Variants in FER1L6 observed in about 807,000 individuals in gnomAD.
The protein encoded by FER1L6 is fer-1 like family member 6, also known as fer-1-like protein 6.
Under a neutral mutation model 219.2 loss-of-function variants are expected in FER1L6, and 177 were observed. The observed-to-expected ratio is 0.81, with a 90% CI of 0.71 to 0.91. The LOEUF is 0.91. Ranked by LOEUF, FER1L6 falls within the 40% of genes least tolerant of loss-of-function variation. FER1L6 has a pLI of 0.00. For missense variants in FER1L6, 2,153 were observed against 2,259.9 expected, an observed-to-expected ratio of 0.95 and a Z score of 0.96; for synonymous variants, 768 against 824.3, an observed-to-expected ratio of 0.93 and a Z score of 1.17.
intron 33 of FER1L6, among the ~76,000 whole-genome samples, chr8:124,088,909 A>G (rs1050094303): frequency 2.0e-5 from 3 of 151,906 alleles, no homozygotes; most frequent in African/African-American, 7.3e-5. Flanking sequence ...CCTCTCCTCA[A>G]GCAGAAGGAA....
At chr8:123,874,063 C>A (rs1488771023) in intron 1 of FER1L6, among the ~76,000 whole-genome samples, 1 of 152,176 alleles carries the variant, frequency 6.6e-6, no homozygotes, top group Admixed American at 6.5e-5. Context: ...ATTCACCTGG[C>A]CAAATTCCAA....
At chr8:124,067,845 G>A (rs1201899898) in intron 28 of FER1L6, 39 bp downstream of exon 28, 1 of 1,557,572 alleles carries the variant, frequency 6.4e-7, no homozygotes, top group Admixed American at 1.7e-5. Context: ...CATAGAATAG[G>A]GCCATCGTTA....
chr8:123,886,231 C>T (rs1817199320), intron 1 of FER1L6, among the ~76,000 whole-genome samples: 1 of 152,152 alleles, frequency 6.6e-6, no homozygotes, highest in African/African-American at 2.4e-5. Context: ...TTTGTCCCCA[C>T]CTACACTCAA....
chr8:124,010,463 T>G, intron 13 of FER1L6, 131 bp from the exon 14 acceptor site: 1 of 1,034,326 alleles, frequency 9.7e-7, no homozygotes, highest in Non-Finnish European at 1.4e-6. Context: ...AAAGATGGTG[T>G]TAAAAGTTTG....
chr8:124,093,508 T>G (rs1043469190), intron 34 of FER1L6, among the ~76,000 whole-genome samples: 1 of 152,060 alleles, frequency 6.6e-6, no homozygotes, highest in East Asian at 1.9e-4. Context: ...AGAAACCCAT[T>G]GAAGGTTCTT....
intron 1 of FER1L6, among the ~76,000 whole-genome samples, chr8:123,894,326 C>G (rs1033532487): frequency 2.6e-5 from 4 of 152,132 alleles, no homozygotes; most frequent in African/African-American, 9.7e-5. Context: ...TTTAGTTGGT[C>G]AGGAAGATGG....
At chr8:124,113,200 AT>A (rs1823091962) in intron 39 of FER1L6, among the ~76,000 whole-genome samples, 1 of 152,202 alleles carries the variant, frequency 6.6e-6, no homozygotes, top group Non-Finnish European at 1.5e-5. Flanking sequence ...CATTTAAAAA[AT>A]TTGAGCACAC....
rs1308377165 is a variant in FER1L6, at chr8:124,101,755, A to C, written c.5125+417A>C. On this transcript the variant is annotated intron_variant, in intron 38 of 40. Coordinates refer to ENST00000522917, the MANE Select transcript of FER1L6 (RefSeq NM_001039112.2). ...CAAAATGTATCTGAGACAAGTCTCA[A>C]TTTAGAAGTTTATTTTGCCAAGAAT... Among the ~76,000 whole-genome samples the C allele has an allele frequency of 3.3e-5, 5 of 152,224 alleles. No individual in the cohort carries two copies. In the East Asian group the frequency reaches 9.6e-4, roughly 29 times the overall value.
chr8:123,900,680 A>C (rs575526967), intron 1 of FER1L6, among the ~76,000 whole-genome samples: 2 of 152,186 alleles, frequency 1.3e-5, no homozygotes, highest in Admixed American at 1.3e-4. Context: ...TGTCCCTTGT[A>C]TGCCGATTTT....
At chr8:123,898,261 TA>T (rs920405830) in intron 1 of FER1L6, among the ~76,000 whole-genome samples, 1 of 152,142 alleles carries the variant, frequency 6.6e-6, no homozygotes, top group Admixed American at 6.5e-5. Context: ...AATTTTTGAA[TA>T]AAAATTATTT....
At chr8:124,100,474 T>TA (rs1674202473) in intron 37 of FER1L6, among the ~76,000 whole-genome samples, 1 of 152,178 alleles carries the variant, frequency 6.6e-6, no homozygotes, top group South Asian at 2.1e-4. Context: ...TTAGATAACT[T>TA]ACCTATGTCT....
At chr8:123,936,477 T>TG (rs1012529936) in intron 1 of FER1L6, among the ~76,000 whole-genome samples, 5 of 137,466 alleles carry the variant, frequency 3.6e-5, no homozygotes, top group African/African-American at 1.6e-4. Flanking sequence ...TTTTTTTTTT[T>TG]TTTTTTTTTG....
rs1160011864 is a variant in FER1L6, at chr8:123,947,441, G to T, written c.-7-8551G>T. Among the ~76,000 whole-genome samples, 6 of 152,094 alleles carry T rather than the reference G, an allele frequency of 3.9e-5. No individual in the cohort carries two copies. In the South Asian group the frequency reaches 1.0e-3, roughly 26 times the overall value. ...TCCCCAGCTCCAAGATGAATATTAGGATTATTATCTTTTGCCTGTGTTCTC... is the reference window on the plus strand; with the variant it reads ...TCCCCAGCTCCAAGATGAATATTAGTATTATTATCTTTTGCCTGTGTTCTC... On this transcript the variant is annotated intron_variant, in intron 1 of 40. Coordinates refer to ENST00000522917, the MANE Select transcript of FER1L6 (RefSeq NM_001039112.2).
chr8:124,078,715 G>GTTGA (rs879514772), intron 32 of FER1L6, among the ~76,000 whole-genome samples: 128,876 of 151,950 alleles, frequency 0.85, 54,817 homozygotes, highest in African/African-American at 0.88. Flanking sequence ...CAGGTGGGAT[G>GTTGA]GGATGGGTGG....
rs72714697 is a variant in FER1L6 at position 124,054,062 on chromosome 8, C to T, written c.2874+4306C>T. Among the ~76,000 whole-genome samples, 1,510 of 152,254 alleles carry T rather than the reference C, an allele frequency of 9.9e-3. 8 individuals are homozygous for T. Among genetic ancestry groups the T allele is most frequent in the Non-Finnish European group, 0.015 (1,031 of 68,024 alleles). On this transcript the variant is annotated intron_variant, in intron 22 of 40. Coordinates refer to ENST00000522917, the MANE Select transcript of FER1L6 (RefSeq NM_001039112.2). Reference sequence around the variant, plus strand: ...CCATGTCTTTATCCACAGCCAGGCCCGCCCTGCAGATTGTTCCTTGAATGG... The same window carrying T: ...CCATGTCTTTATCCACAGCCAGGCCTGCCCTGCAGATTGTTCCTTGAATGG...
chr8:123,922,803 A>G (rs532387036), intron 1 of FER1L6, among the ~76,000 whole-genome samples: 24 of 152,196 alleles, frequency 1.6e-4, no homozygotes, highest in African/African-American at 5.5e-4. Flanking sequence ...CCTTGATCTC[A>G]TTGACTGTCA....
At chr8:123,949,712 G>C (rs781489617) in intron 1 of FER1L6, among the ~76,000 whole-genome samples, 2 of 152,164 alleles carry the variant, frequency 1.3e-5, no homozygotes, top group Non-Finnish European at 2.9e-5. Flanking sequence ...CATCAGAGCA[G>C]AAAGAAGAAT....
intron 20 of FER1L6, among the ~76,000 whole-genome samples, chr8:124,041,124 CAG>C (rs1490943046): frequency 6.6e-5 from 10 of 152,128 alleles, no homozygotes; most frequent in African/African-American, 2.4e-4. Context: ...GAGGAAAACT[CAG>C]TAAAGAATTG....
rs1411459057 is a variant in FER1L6 at position 124,023,454 on chromosome 8, C to G, written c.2144C>G (p.Thr715Ser). 5.0e-6 allele frequency: 8 copies of G among 1,613,936 alleles called. No homozygotes were observed. The highest frequency in any genetic ancestry group is 6.8e-6 in the Non-Finnish European group (8 of 1,179,946). The change falls in exon 18 of 41, where the codon ACT (threonine) becomes AGT (serine). Residue 715 changes from threonine (T) to serine (S), a missense_variant. Coordinates refer to ENST00000522917, the MANE Select transcript of FER1L6 (RefSeq NM_001039112.2). ...CCTCTATTCCCACAGCCCCAGCACA[C>G]TATCCCTGACGTTTTCATCTGGATG... ...IRFLVDEPQH[T>S]IPDVFIWMLS... is the part of the protein sequence containing the mutation.
Sources: allele counts gnomAD v4.1 joint callset (sites outside exome capture counted in the v4.1 genomes callset), GRCh38; gene constraint gnomAD v4.1.1; transcripts MANE v1.5; gene names NCBI Gene and HGNC (gene_info 2026-07-23, HGNC 2026-07-21).